The following TMIGD3 variants were observed in gnomAD, a reference collection of about 807,000 sequenced individuals.
The protein encoded by TMIGD3 is transmembrane and immunoglobulin domain containing 3, also known as AD026 protein (AD026).
A neutral mutation model predicts 28.1 loss-of-function variants in TMIGD3; 21 were observed. The ratio of observed to expected loss-of-function variants is 0.75; its 90% CI spans 0.53 to 1.08. The LOEUF (loss-of-function observed/expected upper bound fraction) is 1.08, where lower values mean the gene tolerates loss of function less well. TMIGD3 is among the 50% of genes least tolerant of loss of function. TMIGD3 has a pLI of 0.00. For missense variants in TMIGD3, 416 were observed against 435.6 expected (o/e 0.96, Z 0.40); for synonymous variants, 151 against 162.1 (o/e 0.93, Z 0.52).
At chr1:111,497,080 AG>A (rs1654912560) in intron 1 of TMIGD3, among the ~76,000 whole-genome samples, 1 of 152,174 alleles carries the variant, frequency 6.6e-6, no homozygotes, top group African/African-American at 2.4e-5. Context: ...AAGCCAGAAG[AG>A]GGGTTCCCAG....
At chr1:111,525,884 C>T (rs1247926905) in intron 1 of TMIGD3, among the ~76,000 whole-genome samples, 1 of 152,028 alleles carries the variant, frequency 6.6e-6, no homozygotes, top group Non-Finnish European at 1.5e-5. Context: ...AACAAACAAA[C>T]AAAAACTAAT....
intron 2 of TMIGD3, chr1:111,489,591 T>C: frequency 9.0e-7 from 1 of 1,107,376 alleles, no homozygotes; most frequent in Non-Finnish European, 1.1e-6. Context: ...TCCTTTTCCC[T>C]GGCCTAAGGG....
chr1:111,502,937 G>C, intron 1 of TMIGD3, 68 bp downstream of exon 1: 1 of 1,563,066 alleles, frequency 6.4e-7, no homozygotes, highest in Non-Finnish European at 8.7e-7. Flanking sequence ...CAAAAAGTCT[G>C]GGCTCTGGGC....
chr1:111,559,015 A>T (rs981433857), intron 1 of TMIGD3, among the ~76,000 whole-genome samples: 1 of 152,180 alleles, frequency 6.6e-6, no homozygotes, highest in African/African-American at 2.4e-5. Flanking sequence ...CCAGAGACCA[A>T]GTTCTCTGAA....
intron 1 of TMIGD3, among the ~76,000 whole-genome samples, chr1:111,496,431 G>A (rs527325866): frequency 1.3e-5 from 2 of 152,230 alleles, no homozygotes; most frequent in Admixed American, 6.5e-5. Flanking sequence ...GCCATTAGTC[G>A]AAGATGGCTC....
intron 1 of TMIGD3, among the ~76,000 whole-genome samples, chr1:111,519,930 T>A (rs1655999502): frequency 6.6e-6 from 1 of 152,152 alleles, no homozygotes; most frequent in Non-Finnish European, 1.5e-5. Flanking sequence ...TGACCTCAGG[T>A]GATCCACCTG....
intron 1 of TMIGD3, among the ~76,000 whole-genome samples, chr1:111,537,836 A>G (rs1656691223): frequency 6.6e-6 from 1 of 152,260 alleles, no homozygotes; most frequent in Non-Finnish European, 1.5e-5. Context: ...AATTAGCAAT[A>G]TGAAACATAT....
chr1:111,509,357 C>T (rs1017887494), intron 1 of TMIGD3, among the ~76,000 whole-genome samples: 1 of 152,232 alleles, frequency 6.6e-6, no homozygotes, highest in Non-Finnish European at 1.5e-5. Context: ...GCCCTCATGT[C>T]TCTTGGCCAC....
At chr1:111,551,813 G>A (rs1292785721) in intron 1 of TMIGD3, among the ~76,000 whole-genome samples, 1 of 150,246 alleles carries the variant, frequency 6.7e-6, no homozygotes. Flanking sequence ...AACTTTATTG[G>A]GGCATGCCTT....
chr1:111,530,629 G>A (rs934493258), intron 1 of TMIGD3, among the ~76,000 whole-genome samples: 1 of 152,172 alleles, frequency 6.6e-6, no homozygotes, highest in African/African-American at 2.4e-5. Flanking sequence ...GTACCTTAAA[G>A]ATGTTGTTCC....
intron 1 of TMIGD3, among the ~76,000 whole-genome samples, chr1:111,541,222 C>T (rs1345094769): frequency 6.6e-6 from 1 of 152,174 alleles, no homozygotes. Context: ...AGAAGGAAAG[C>T]TTTGGATGAA....
chr1:111,484,207 A>ATG (rs1424099777), intron 5 of TMIGD3, among the ~76,000 whole-genome samples: 5 of 152,076 alleles, frequency 3.3e-5, no homozygotes, highest in Admixed American at 3.3e-4. Flanking sequence ...TTGGGTGTTG[A>ATG]TGTGTGATGT....
At chr1:111,524,121 C>T (rs1656179917) in intron 1 of TMIGD3, among the ~76,000 whole-genome samples, 1 of 150,410 alleles carries the variant, frequency 6.6e-6, no homozygotes, top group Non-Finnish European at 1.5e-5. Context: ...GCTCCGCCTC[C>T]CAGGTTCACG....
chr1:111,489,265 G>C (rs1166327051), intron 2 of TMIGD3, among the ~76,000 whole-genome samples: 1 of 152,126 alleles, frequency 6.6e-6, no homozygotes, highest in Non-Finnish European at 1.5e-5. Context: ...CCTTTAAAGA[G>C]ATAATTAAGT....
At chr1:111,538,259 G>T (rs74112321) in intron 1 of TMIGD3, among the ~76,000 whole-genome samples, 5,605 of 152,248 alleles carry the variant, frequency 0.037, 330 homozygotes, top group African/African-American at 0.13. Context: ...CAGAAAACCA[G>T]GTTGTACCTG....
At chr1:111,554,269 C>T (rs903338886) in intron 1 of TMIGD3, among the ~76,000 whole-genome samples, 1 of 152,138 alleles carries the variant, frequency 6.6e-6, no homozygotes, top group Non-Finnish European at 1.5e-5. Flanking sequence ...ACTGTAAGAA[C>T]CTGTGGAGGT....
intron 1 of TMIGD3, among the ~76,000 whole-genome samples, chr1:111,526,940 A>ATT (rs2101009510): frequency 6.6e-6 from 1 of 151,236 alleles, no homozygotes; most frequent in East Asian, 1.9e-4. Flanking sequence ...TTGGAATCAT[A>ATT]CAGTATGTAG....
chr1:111,527,006 CTTTTTTTTTTTT>C (rs71580580), intron 1 of TMIGD3, among the ~76,000 whole-genome samples: 5 of 87,732 alleles, frequency 5.7e-5, no homozygotes, highest in African/African-American at 1.8e-4. Flanking sequence ...TCCTCAATGT[CTTTTTTTTTTTT>C]TTTTTTTTTT....
At chr1:111,500,740 C>T (rs984766716) in intron 1 of TMIGD3, 7 of 612,748 alleles carry the variant, frequency 1.1e-5, no homozygotes, top group African/African-American at 5.5e-5. Context: ...CCACTGGATA[C>T]GAAGACAAGA....
Sources: allele counts gnomAD v4.1 joint callset (sites outside exome capture counted in the v4.1 genomes callset), GRCh38; gene constraint gnomAD v4.1.1; transcripts MANE v1.5; gene names NCBI Gene and HGNC (gene_info 2026-07-23, HGNC 2026-07-21).